Variants in CFAP20DC observed in about 807,000 individuals in gnomAD.
CFAP20DC encodes the protein CFAP20 domain containing.
Under a neutral mutation model 101.7 loss-of-function variants are expected in CFAP20DC, and 84 were observed. The ratio of observed to expected loss-of-function variants is 0.83; its 90% confidence interval spans 0.69 to 0.99. CFAP20DC has a LOEUF of 0.99. CFAP20DC is among the 50% of genes least tolerant of loss of function. The probability of loss-of-function intolerance (pLI) is 0.00; values close to 1 mark genes in which losing one functional copy is unlikely to be tolerated. For missense variants in CFAP20DC, 1,007 were observed against 970.3 expected (o/e 1.04, Z -0.50); for synonymous variants, 359 against 351.2 (o/e 1.02, Z -0.25).
chr3:59,009,564 T>C (rs143943581), intron 4 of CFAP20DC, among the ~76,000 whole-genome samples: 5 of 152,102 alleles, frequency 3.3e-5, no homozygotes, highest in East Asian at 1.9e-4. Context: ...GTAGAAGAAA[T>C]TTGGGATTAT....
At chr3:58,807,493 T>G (rs1454110598) in intron 14 of CFAP20DC, among the ~76,000 whole-genome samples, 2 of 152,200 alleles carry the variant, frequency 1.3e-5, no homozygotes, top group African/African-American at 2.4e-5. Flanking sequence ...CCAACAGACC[T>G]GCAGCTGAGG....
intron 15 of CFAP20DC, among the ~76,000 whole-genome samples, chr3:58,765,507 A>AAAAAAAAAAACAAAAAAAAAAAAAAAAAC (rs1553651634): frequency 2.7e-5 from 4 of 146,582 alleles, no homozygotes; most frequent in Admixed American, 6.8e-5. Flanking sequence ...AAAAAAAAAA[A>AAAAAAAAAAACAAAAAAAAAAAAAAAAAC]CAAACAGAAA....
At chr3:59,003,522 TA>T in intron 4 of CFAP20DC, among the ~76,000 whole-genome samples, 1 of 152,300 alleles carries the variant, frequency 6.6e-6, no homozygotes. Context: ...AAACAATCCA[TA>T]GGTATCCCCA....
At chr3:58,726,065 G>C (rs1405115142) in intron 3 of CFAP20DC, 2 of 152,522 alleles carry the variant, frequency 1.3e-5, no homozygotes, top group Non-Finnish European at 1.5e-5. Flanking sequence ...CTTTCATCTT[G>C]GGCCACTGTC....
At chr3:59,049,482 A>G in intron 1 of CFAP20DC, 129 bp downstream of exon 1, 3 of 897,630 alleles carry the variant, frequency 3.3e-6, no homozygotes, top group African/African-American at 1.6e-5. Flanking sequence ...TCACCCATTA[A>G]TTCTGTCTTA....
intron 4 of CFAP20DC, among the ~76,000 whole-genome samples, chr3:58,991,216 A>G (rs1156472198): frequency 4.6e-5 from 7 of 152,196 alleles, no homozygotes; most frequent in African/African-American, 1.7e-4. Flanking sequence ...ATTGTGGTCC[A>G]CATCCTTAAC....
At chr3:58,784,336 A>G in intron 15 of CFAP20DC, among the ~76,000 whole-genome samples, 1 of 152,012 alleles carries the variant, frequency 6.6e-6, no homozygotes, top group East Asian at 1.9e-4. Context: ...ATCATGAAAG[A>G]CTATAGCAAC....
At chr3:58,830,093 T>C (rs1019749474) in intron 14 of CFAP20DC, among the ~76,000 whole-genome samples, 1 of 152,208 alleles carries the variant, frequency 6.6e-6, no homozygotes, top group African/African-American at 2.4e-5. Flanking sequence ...TGGATACTTT[T>C]TGGCACCAAG....
chr3:58,789,948 G>T (rs2072712046), intron 15 of CFAP20DC, among the ~76,000 whole-genome samples: 1 of 152,074 alleles, frequency 6.6e-6, no homozygotes, highest in Non-Finnish European at 1.5e-5. Context: ...AAAAAAGGTA[G>T]AAAGATACAG....
intron 5 of CFAP20DC, among the ~76,000 whole-genome samples, chr3:58,936,016 C>A (rs1289029183): frequency 6.6e-6 from 1 of 152,046 alleles, no homozygotes; most frequent in Non-Finnish European, 1.5e-5. Context: ...ATTTTCACAA[C>A]CTACTTATCT....
Position 58,864,785 on chromosome 3 carries a change from C to G in CFAP20DC, c.1259-893G>C, listed in dbSNP as rs547670666. 2.0e-5 allele frequency among the ~76,000 whole-genome samples: 3 copies of G among 152,302 alleles called. No individual in the cohort carries two copies. The highest frequency in any genetic ancestry group is 7.2e-5 in the African/African-American group (3 of 41,584). On this transcript the variant is annotated intron_variant, in intron 11 of 16. Transcript: ENST00000482387. This position sits in a 1 kb window ranked among gnomAD's most constrained non-coding sequence, Gnocchi z 4.7. Reference sequence around the variant, plus strand: ...AATAGTAAATTCACAGAAATATTTGCTAATCCAAGCAGTGGATTCTGCTGG... The same window carrying G: ...AATAGTAAATTCACAGAAATATTTGGTAATCCAAGCAGTGGATTCTGCTGG...
chr3:58,969,738 A>G (rs1253801679), intron 4 of CFAP20DC, among the ~76,000 whole-genome samples: 1 of 152,192 alleles, frequency 6.6e-6, no homozygotes, highest in African/African-American at 2.4e-5. Context: ...CAATATGGAT[A>G]AACCTTGAAA....
At chr3:58,779,284 C>T (rs2071614221) in intron 15 of CFAP20DC, among the ~76,000 whole-genome samples, 1 of 152,074 alleles carries the variant, frequency 6.6e-6, no homozygotes, top group Non-Finnish European at 1.5e-5. Context: ...TAAAAAGGAA[C>T]CAAACACACA....
At chr3:58,769,902 C>T (rs2107484590) in intron 15 of CFAP20DC, among the ~76,000 whole-genome samples, 1 of 152,282 alleles carries the variant, frequency 6.6e-6, no homozygotes, top group Middle Eastern at 3.4e-3. Context: ...ACAAAATCAC[C>T]TCTCCTGCCT....
At chr3:58,849,918 G>A (rs2078072608) in intron 12 of CFAP20DC, among the ~76,000 whole-genome samples, 1 of 152,126 alleles carries the variant, frequency 6.6e-6, no homozygotes, top group African/African-American at 2.4e-5. Context: ...TGTTTTTCAA[G>A]AGCAATGGAT....
intron 4 of CFAP20DC, among the ~76,000 whole-genome samples, chr3:58,977,671 G>A (rs1162246842): frequency 2.0e-5 from 3 of 151,564 alleles, no homozygotes; most frequent in South Asian, 2.1e-4. Flanking sequence ...TTCTGGACAT[G>A]GCCTATTCTC....
In CFAP20DC at chr3:58,831,870, T is replaced by C. The variant is rs1489080224; in HGVS notation, c.1991A>G (p.Tyr664Cys). The change falls in exon 14 of 17, where the codon TAT becomes TGT. Residue 664 changes from tyrosine to cysteine, a missense_variant. By Grantham distance (194) the Tyr-to-Cys change is radical (BLOSUM62 -2). Transcript: ENST00000482387. ...PEASEYDWRNYQPSQMSESEL... is the reference protein window; with the variant it reads ...PEASEYDWRNCQPSQMSESEL... ...GGATTCACTCATCTGGCTTGGCTGA[T>C]AGTTTCGCCAGTCATATTCCTGACC... 1.2e-6 allele frequency: 2 copies of C among 1,613,986 alleles called. No homozygotes were observed. The highest frequency in any genetic ancestry group is 8.5e-7 in the Non-Finnish European group (1 of 1,179,904).
chr3:58,807,734 GA>G (rs1329027644), intron 14 of CFAP20DC, among the ~76,000 whole-genome samples: 2 of 152,174 alleles, frequency 1.3e-5, no homozygotes, highest in Non-Finnish European at 2.9e-5. Flanking sequence ...GACGAGTTGC[GA>G]GAAGAAGGCT....
chr3:58,725,566 G>A (rs1464260832), intron 3 of CFAP20DC, among the ~76,000 whole-genome samples: 4 of 152,152 alleles, frequency 2.6e-5, no homozygotes, highest in Non-Finnish European at 5.9e-5. Context: ...ATTTAGCAAG[G>A]GGATTTTATT....
Sources: allele counts gnomAD v4.1 joint callset (sites outside exome capture counted in the v4.1 genomes callset), GRCh38; gene constraint gnomAD v4.1.1; non-coding constraint Gnocchi (gnomAD v3.1); transcripts MANE v1.5; gene names NCBI Gene and HGNC (gene_info 2026-07-23, HGNC 2026-07-21).